VTA1: variants seen among roughly 807,000 people sequenced by gnomAD.
VTA1 encodes the protein vesicle trafficking 1, also known as vacuolar protein sorting-associated protein VTA1 homolog.
In VTA1, 24 loss-of-function variants were observed where a neutral mutation model predicts 36.9. That is an observed-to-expected ratio of 0.65 (90% CI 0.47 to 0.91). VTA1 has a LOEUF of 0.91. Among genes scored for constraint, VTA1 ranks in the 40% least tolerant of loss-of-function variants. The pLI is 0.00. For missense variants in VTA1, 393 were observed against 377.2 expected, an observed-to-expected ratio of 1.04 and a Z score of -0.35; for synonymous variants, 142 against 130.2, an observed-to-expected ratio of 1.09 and a Z score of -0.62.
chr6:142,149,794 G>A (rs1237358706), intron 1 of VTA1, among the ~76,000 whole-genome samples: 2 of 151,978 alleles, frequency 1.3e-5, no homozygotes, highest in East Asian at 1.9e-4. Context: ...TGGGACTTTG[G>A]CTTTCTACAT....
chr6:142,219,677 AT>A lies in VTA1; in HGVS notation c.*1035del, dbSNP rs1378488923. On this transcript the variant is annotated 3_prime_UTR_variant, in exon 8 of 8. Coordinates refer to ENST00000367630, the MANE Select transcript of VTA1 (RefSeq NM_016485.5). ...TTAAAAGTCATTTTTATTTATAGGAATATGGGTGTTTCTATAGGAAGAAACA... is the reference window on the plus strand; with the variant it reads ...TTAAAAGTCATTTTTATTTATAGGAAATGGGTGTTTCTATAGGAAGAAACA... 6.6e-6 allele frequency: 1 copy of A among 152,236 alleles called. No homozygotes were observed. Among genetic ancestry groups the A allele is most frequent in the African/African-American group, 2.4e-5 (1 of 41,470 alleles). The allele number at this position is 152,236 out of a possible 1,614,324, so 9.4% of individuals were successfully genotyped here. A position where few individuals can be genotyped will look rare whatever the true frequency, so the allele number is the denominator to read the frequency against.
chr6:142,198,091 C>T (rs1456831460), intron 5 of VTA1, among the ~76,000 whole-genome samples: 7 of 126,568 alleles, frequency 5.5e-5, no homozygotes, highest in Admixed American at 3.3e-4. Context: ...AGTGAGACTC[C>T]GTCTCAAAAA....
Position 142,194,343 on chromosome 6 carries a change from G to A in VTA1, c.521-4096G>A, listed in dbSNP as rs577833109. ...TAGAAAAAATGCCTACTGGCATTATGATTAGTATTAAACTTAGGGAGAATT... is the reference window on the plus strand; with the variant it reads ...TAGAAAAAATGCCTACTGGCATTATAATTAGTATTAAACTTAGGGAGAATT... On this transcript the variant is annotated intron_variant, in intron 5 of 7. Transcript: ENST00000367630. Among the ~76,000 whole-genome samples the A allele has an allele frequency of 5.9e-5, 9 of 152,228 alleles. No homozygotes were observed. In the South Asian group the frequency reaches 1.9e-3, roughly 32 times the overall value.
At chr6:142,198,827 C>T in intron 6 of VTA1, 1 of 419,240 alleles carries the variant, frequency 2.4e-6, no homozygotes, top group Non-Finnish European at 4.2e-6. Flanking sequence ...GTATTATGTG[C>T]ATTGATTACT....
Position 142,219,943 on chromosome 6 carries a change from A to T in VTA1, c.*1300A>T, listed in dbSNP as rs540857292. 2 of 152,318 alleles carry T rather than the reference A, an allele frequency of 1.3e-5. No homozygotes were observed. The highest frequency in any genetic ancestry group is 1.3e-4 in the Admixed American group (2 of 15,300). The allele number at this position is 152,318 out of a possible 1,614,324, so 9.4% of individuals were successfully genotyped here. ...GCAGAGTTGTATGGCTTGCAAGTCTAAAAACATTTACTATTTGGCCCTCTA... is the reference window on the plus strand; with the variant it reads ...GCAGAGTTGTATGGCTTGCAAGTCTTAAAACATTTACTATTTGGCCCTCTA... On this transcript the variant is annotated 3_prime_UTR_variant, in exon 8 of 8. Coordinates refer to ENST00000367630, the MANE Select transcript of VTA1 (RefSeq NM_016485.5).
intron 6 of VTA1, 59 bp downstream of exon 6, chr6:142,198,674 T>C: frequency 6.8e-7 from 1 of 1,478,066 alleles, no homozygotes; most frequent in Non-Finnish European, 9.1e-7. Flanking sequence ...AGAACTGCAT[T>C]TCTTATCACA....
At chr6:142,181,637 G>C (rs1775243467) in intron 4 of VTA1, among the ~76,000 whole-genome samples, 1 of 150,714 alleles carries the variant, frequency 6.6e-6, no homozygotes, top group African/African-American at 2.4e-5. Context: ...AATTAACATT[G>C]GTTTCTTTTC....
At chr6:142,201,501 T>C (rs1775683807) in intron 6 of VTA1, among the ~76,000 whole-genome samples, 1 of 151,992 alleles carries the variant, frequency 6.6e-6, no homozygotes, top group South Asian at 2.1e-4. Flanking sequence ...TGCACAGATA[T>C]CACATGTAGT....
chr6:142,149,713 A>G (rs927482434), intron 1 of VTA1, among the ~76,000 whole-genome samples: 1 of 152,168 alleles, frequency 6.6e-6, no homozygotes, highest in Non-Finnish European at 1.5e-5. Flanking sequence ...AATGTTATCA[A>G]TCATTGTATG....
intron 7 of VTA1, among the ~76,000 whole-genome samples, chr6:142,214,232 A>T (rs978656486): frequency 6.6e-6 from 1 of 152,190 alleles, no homozygotes. Context: ...GGCAGGGGCA[A>T]AATGCCTCCA....
At chr6:142,195,737 G>GT (rs1338812561) in intron 5 of VTA1, among the ~76,000 whole-genome samples, 1 of 150,226 alleles carries the variant, frequency 6.7e-6, no homozygotes, top group Admixed American at 6.7e-5. Context: ...GCAAATTTTG[G>GT]TATCACTCAG....
At chr6:142,164,342 G>A (rs1290610280) in intron 1 of VTA1, among the ~76,000 whole-genome samples, 4 of 151,946 alleles carry the variant, frequency 2.6e-5, no homozygotes, top group African/African-American at 9.7e-5. Context: ...GCACTACGCT[G>A]GTAGTGCAGT....
rs1028127287 is a variant in VTA1 at position 142,205,632 on chromosome 6, T to G, written c.778+1567T>G. ...CTTTAGATACTCCAAAGAAGAAAGA[T>G]TCTATGATAGCTTTCCCACCTGCTT... On this transcript the variant is annotated intron_variant, in intron 7 of 7. Transcript: ENST00000367630. Among the ~76,000 whole-genome samples the G allele has an allele frequency of 1.1e-4, 16 of 152,248 alleles. No individual in the cohort carries two copies. In the East Asian group the frequency reaches 2.9e-3, roughly 28 times the overall value.
chr6:142,180,398 A>G (rs554747904), intron 4 of VTA1, among the ~76,000 whole-genome samples: 1 of 152,352 alleles, frequency 6.6e-6, no homozygotes, highest in South Asian at 2.1e-4. Context: ...AAGAATCTGT[A>G]TAGGTCCAGA....
chr6:142,190,642 C>T (rs1006944389), intron 5 of VTA1, among the ~76,000 whole-genome samples: 14 of 152,200 alleles, frequency 9.2e-5, no homozygotes, highest in African/African-American at 3.4e-4. Flanking sequence ...GACCACTGTT[C>T]TTGGAACTGA....
intron 5 of VTA1, among the ~76,000 whole-genome samples, chr6:142,198,117 ATATG>A (rs1325771863): frequency 2.7e-3 from 213 of 78,652 alleles, no homozygotes; most frequent in East Asian, 9.8e-3. Flanking sequence ...ATATATATAT[ATATG>A]TGTGTGTGTG....
intron 7 of VTA1, among the ~76,000 whole-genome samples, chr6:142,217,941 GAA>G (rs1236812692): frequency 6.6e-6 from 1 of 151,808 alleles, no homozygotes; most frequent in Non-Finnish European, 1.5e-5. Context: ...AAATTTTAGA[GAA>G]ATAATATGTA....
intron 5 of VTA1, among the ~76,000 whole-genome samples, chr6:142,193,642 C>T (rs1015272444): frequency 6.6e-6 from 1 of 151,412 alleles, no homozygotes; most frequent in Non-Finnish European, 1.5e-5. Flanking sequence ...TTATTATGAT[C>T]CTTTATGTGA....
At chr6:142,163,281 A>G (rs1774844543) in intron 1 of VTA1, among the ~76,000 whole-genome samples, 3 of 152,192 alleles carry the variant, frequency 2.0e-5, no homozygotes, top group South Asian at 4.2e-4. Flanking sequence ...GTCATCTAGT[A>G]TTTATATTCT....
Sources: gnomAD v4.1 joint callset for allele counts (sites outside exome capture counted in the v4.1 genomes callset) on GRCh38, gnomAD v4.1.1 for gene constraint, MANE v1.5 for transcripts, NCBI Gene and HGNC (gene_info 2026-07-23, HGNC 2026-07-21) for gene names.